Variants in HMCN1 observed in about 807,000 individuals in gnomAD.
The protein encoded by HMCN1 is hemicentin 1, also known as hemicentin-1.
HMCN1 carries 321 observed loss-of-function variants against 625.9 expected under a neutral mutation model. That is an observed-to-expected ratio of 0.51 (90% confidence interval 0.47 to 0.56). The LOEUF (loss-of-function observed/expected upper bound fraction) is 0.56. HMCN1 is among the 20% of genes least tolerant of loss of function. The pLI is 0.00. For missense variants in HMCN1, 6,588 were observed against 6,887.3 expected (o/e 0.96, Z 1.54); for synonymous variants, 2,425 against 2,417.6 (o/e 1.00, Z -0.09).
intron 22 of HMCN1, among the ~76,000 whole-genome samples, chr1:185,992,574 T>C (rs1242520460): frequency 6.6e-6 from 1 of 152,194 alleles, no homozygotes; most frequent in East Asian, 1.9e-4. Context: ...AGTTTTCAAA[T>C]ATGCTTAGGT....
Position 186,144,205 on chromosome 1 carries a change from G to A in HMCN1, c.13957G>A (p.Gly4653Arg), listed in dbSNP as rs1276071573. 1.2e-6 allele frequency: 2 copies of A among 1,610,422 alleles called. No homozygotes were observed. Among genetic ancestry groups the A allele is most frequent in the South Asian group, 1.1e-5 (1 of 90,440 alleles). The change falls in exon 90 of 107, where the codon GGA becomes AGA. Residue 4653 changes from glycine to arginine, a missense_variant. Physicochemically the swap from Gly to Arg is moderately radical, Grantham distance 125. This residue lies in a region of HMCN1 where 1,954 missense variants were observed against 2,013.1 expected (regional missense o/e 0.97). Transcript: ENST00000271588. ...HGAWSAWQPW[G>R]TCSESCGKGT... ...AGCATGGAGCGCTTGGCAGCCTTGG[G>A]GAACATGCAGCGAAAGTTGTGGGAA...
chr1:185,812,667 T>A (rs971678657), intron 1 of HMCN1, among the ~76,000 whole-genome samples: 1 of 152,286 alleles, frequency 6.6e-6, no homozygotes, highest in Admixed American at 6.5e-5. Flanking sequence ...GTTAGAATAA[T>A]TGAAAACTGA....
At chr1:185,849,209 C>A (rs1411465640) in intron 2 of HMCN1, among the ~76,000 whole-genome samples, 1 of 152,108 alleles carries the variant, frequency 6.6e-6, no homozygotes, top group East Asian at 1.9e-4. Flanking sequence ...TGTATCCCCA[C>A]CCATCTCCTC....
At chr1:186,082,781 A>G in intron 56 of HMCN1, 84 bp from the exon 57 acceptor site, 3 of 655,338 alleles carry the variant, frequency 4.6e-6, no homozygotes, top group Middle Eastern at 4.4e-4. Context: ...GAAATAATAT[A>G]TATTATTTAT....
At chr1:185,750,806 C>A (rs1006623343) in intron 1 of HMCN1, among the ~76,000 whole-genome samples, 13 of 149,326 alleles carry the variant, frequency 8.7e-5, no homozygotes, top group African/African-American at 3.2e-4. Flanking sequence ...CCCTCTTTTC[C>A]TACTGTTGAG....
chr1:186,097,125 T>C (rs12095439), intron 68 of HMCN1, among the ~76,000 whole-genome samples: 2,311 of 152,156 alleles, frequency 0.015, 76 homozygotes, highest in African/African-American at 0.052. Context: ...ATCTAATATA[T>C]AGAAAACCTC....
At chr1:185,739,171 A>G (rs1653802970) in intron 1 of HMCN1, among the ~76,000 whole-genome samples, 1 of 152,202 alleles carries the variant, frequency 6.6e-6, no homozygotes, top group Non-Finnish European at 1.5e-5. Context: ...CTCCAGCTGC[A>G]TCCATGTCAC....
rs1293829696 is a variant in HMCN1, at chr1:186,144,579, G to T, written c.14142G>T (p.Val4714=). 3 of 1,614,110 alleles carry T rather than the reference G, an allele frequency of 1.9e-6. No homozygotes were observed. In the South Asian group the frequency reaches 3.3e-5, roughly 18 times the overall value. ...GGGCCAGTTGGAGTGCCTGTTCTGT[G>T]TCATGTGGAGGAGGTGCCAGACAGA... The part of the protein sequence containing the change: ...ATWASWSACS[V]SCGGGARQRT... Residue 4714 remains valine (V), a synonymous_variant, in exon 91 of 107, where the codon GTG becomes GTT. Coordinates refer to ENST00000271588, the MANE Select transcript of HMCN1 (RefSeq NM_031935.3).
chr1:186,132,464 A>C, intron 86 of HMCN1, 55 bp downstream of exon 86: 2 of 1,306,844 alleles, frequency 1.5e-6, no homozygotes, highest in Non-Finnish European at 2.2e-6. Context: ...ATTACCTAAT[A>C]AAGAGTATTT....
chr1:186,003,628 A>G, intron 28 of HMCN1, 90 bp from the exon 29 acceptor site: 1 of 1,227,012 alleles, frequency 8.1e-7, no homozygotes, highest in Non-Finnish European at 1.2e-6. Context: ...TCTTGTTGAA[A>G]TACTATAGAA....
intron 6 of HMCN1, among the ~76,000 whole-genome samples, chr1:185,918,062 A>G (rs1017916735): frequency 6.6e-6 from 1 of 152,228 alleles, no homozygotes; most frequent in African/African-American, 2.4e-5. Flanking sequence ...ATAATAGGAT[A>G]TATACATATA....
chr1:185,901,720 A>T (rs908776843), intron 4 of HMCN1, among the ~76,000 whole-genome samples: 1 of 151,716 alleles, frequency 6.6e-6, no homozygotes, highest in Non-Finnish European at 1.5e-5. Context: ...TGACATTAAA[A>T]GCCTTTTGGG....
At chr1:186,165,601 C>T (rs375478205) in intron 98 of HMCN1, among the ~76,000 whole-genome samples, 208 of 152,270 alleles carry the variant, frequency 1.4e-3, no homozygotes, top group African/African-American at 4.8e-3. Flanking sequence ...AATGATTAAA[C>T]CAATTTTATC....
Position 186,081,350 on chromosome 1 carries a change from G to A in HMCN1, c.8743G>A (p.Glu2915Lys). The A allele has an allele frequency of 1.9e-6, 3 of 1,613,738 alleles. No homozygotes were observed. Among genetic ancestry groups the A allele is most frequent in the Non-Finnish European group, 2.5e-6 (3 of 1,179,804 alleles). ...GCAGAAAGATGGACAGCCCTTGCTA[G>A]AAGATGACCATCATAAATTTCTATC... Reference protein sequence around the residue: ...SWQKDGQPLLEDDHHKFLSNG... With the variant: ...SWQKDGQPLLKDDHHKFLSNG... Residue 2915 changes from glutamate to lysine, a missense_variant, in exon 56 of 107, where the codon GAA becomes AAA. By Grantham distance (56) the Glu-to-Lys change is moderately conservative (BLOSUM62 1). Around this residue, in one of 3 missense-constraint regions of HMCN1, gnomAD observed 4,628 missense variants for 4,853.1 expected, o/e 0.95. Transcript: ENST00000271588.
intron 49 of HMCN1, among the ~76,000 whole-genome samples, chr1:186,066,412 C>G (rs769570405): frequency 6.6e-6 from 1 of 152,060 alleles, no homozygotes; most frequent in Non-Finnish European, 1.5e-5. Flanking sequence ...CCAATCTACC[C>G]GGCCAAAAGT....
intron 97 of HMCN1, among the ~76,000 whole-genome samples, chr1:186,163,010 G>A (rs916404536): frequency 6.6e-6 from 1 of 152,242 alleles, no homozygotes; most frequent in African/African-American, 2.4e-5. Flanking sequence ...GCCCCCAGAG[G>A]TGGAGCCTAC....
chr1:186,074,958 T>A, intron 53 of HMCN1, 67 bp downstream of exon 53: 1 of 1,342,564 alleles, frequency 7.4e-7, no homozygotes, highest in East Asian at 2.4e-5. Flanking sequence ...GAAAAGAGAT[T>A]TGACTTATTT....
intron 1 of HMCN1, among the ~76,000 whole-genome samples, chr1:185,781,501 C>T (rs143208199): frequency 6.6e-6 from 1 of 152,270 alleles, no homozygotes; most frequent in East Asian, 1.9e-4. Flanking sequence ...ACGAATTTCC[C>T]TCTACACACT....
At chr1:185,832,966 G>T (rs1162508132) in intron 1 of HMCN1, among the ~76,000 whole-genome samples, 2 of 152,124 alleles carry the variant, frequency 1.3e-5, no homozygotes, top group Non-Finnish European at 2.9e-5. Flanking sequence ...TTATACAAGA[G>T]AAATTCAATA....
Sources: gnomAD v4.1 joint callset for allele counts (sites outside exome capture counted in the v4.1 genomes callset) on GRCh38, gnomAD v4.1.1 for gene constraint, gnomAD v4.1.1 regional missense constraint, MANE v1.5 for transcripts, NCBI Gene and HGNC (gene_info 2026-07-23, HGNC 2026-07-21) for gene names.